RS1: variants seen among roughly 807,000 people sequenced by gnomAD.
RS1 encodes the protein retinoschisin.
RS1 carries 2 observed loss-of-function variants against 20.8 expected under a neutral mutation model. The ratio of observed to expected loss-of-function variants is 0.10; its 90% CI spans 0.04 to 0.30. The LOEUF (loss-of-function observed/expected upper bound fraction) is 0.30, where lower values mean the gene tolerates loss of function less well. Ranked by LOEUF, RS1 falls within the 10% of genes least tolerant of loss-of-function variation. The pLI is 1.00. For synonymous variants in RS1, 70 were observed against 75.8 expected, an observed-to-expected ratio of 0.92 and a Z score of 0.40; for missense variants, 151 against 189.8, an observed-to-expected ratio of 0.80 and a Z score of 1.20.
At position 18,646,084 on chromosome X, in the gene RS1, C is replaced by T. The variant is rs2147192703; in HGVS notation, c.326+1107G>A. The stretch of plus-strand genomic sequence containing the variant: ...ACGCTTCATGTTAAGGACGACAGAA[C>T]AACAAGGTAGAGTCTGGGCCCCGCA... On this transcript the variant is annotated intron_variant, in intron 4 of 5. Transcript: ENST00000379984. 8.3e-7 allele frequency: 1 copy of T among 1,211,778 alleles called. No homozygotes were observed. The highest frequency in any genetic ancestry group is 2.2e-5 in the Admixed American group (1 of 46,070).
At position 18,640,661 on chromosome X, in the gene RS1, C is replaced by T. The variant is rs946937888; in HGVS notation, c.*1343G>A. ...AATGTGTTGTCCAGCACTGTATTAG[C>T]GCGAGTCTAGTCACTTGCCTTGGCA... On this transcript the variant is annotated 3_prime_UTR_variant, in exon 6 of 6. Coordinates refer to ENST00000379984, the MANE Select transcript of RS1 (RefSeq NM_000330.4). 2 of 112,086 alleles carry T rather than the reference C, an allele frequency of 1.8e-5. No homozygotes were observed. Among genetic ancestry groups the T allele is most frequent in the Non-Finnish European group, 3.8e-5 (2 of 53,175 alleles). 9.2% of individuals were successfully genotyped at this position (112,086 alleles called of 1,213,427 possible).
intron 4 of RS1, among the ~76,000 whole-genome samples, chrX:18,646,874 A>C (rs988016737): frequency 4.5e-5 from 5 of 111,335 alleles, no homozygotes; most frequent in African/African-American, 1.6e-4. Flanking sequence ...CTCCCCCAGC[A>C]CTCATAAGTA....
chrX:18,653,518 G>A (rs772980434), intron 3 of RS1: 2 of 1,210,506 alleles, frequency 1.7e-6, no homozygotes, highest in Non-Finnish European at 2.2e-6. Context: ...GACATACCAT[G>A]AGAATGCGGC....
In RS1 at chrX:18,647,063, C is replaced by T. The variant is rs757310362; in HGVS notation, c.326+128G>A. Reference sequence around the variant, plus strand: ...TCCTGAGTAGCTGGGATTACAGGCACGTGCCACCACGCCAGTTAATTTTTT... The same window carrying T: ...TCCTGAGTAGCTGGGATTACAGGCATGTGCCACCACGCCAGTTAATTTTTT... On this transcript the variant is annotated intron_variant, in intron 4 of 5. Transcript: ENST00000379984. 9.5e-5 allele frequency: 70 copies of T among 739,006 alleles called. 1 individual carries two copies. The highest frequency in any genetic ancestry group is 8.4e-4 in the South Asian group (36 of 42,939). 60.9% of individuals were successfully genotyped at this position (739,006 alleles called of 1,213,427 possible). A position where few individuals can be genotyped will look rare whatever the true frequency, so the allele number is the denominator to read the frequency against.
In RS1 at chrX:18,647,215, G is replaced by A. The variant is rs2147193941; in HGVS notation, c.302C>T (p.Ala101Val). ...GWYSSWTANK[A>V]RLNSQGFGCA... is the part of the protein sequence containing the mutation. ...CCCAAAGCCTTGACTGTTGAGCCGGGCCTTGTTTGCAGTCCACGAAGAATA... is the reference window on the plus strand; with the variant it reads ...CCCAAAGCCTTGACTGTTGAGCCGGACCTTGTTTGCAGTCCACGAAGAATA... The change falls in exon 4 of 6, where the codon GCC (alanine) becomes GTC (valine). Residue 101 changes from alanine (A) to valine (V), a missense_variant. Physicochemically the swap from Ala to Val is moderately conservative, Grantham distance 64 (BLOSUM62 0). Coordinates refer to ENST00000379984, the MANE Select transcript of RS1 (RefSeq NM_000330.4). The A allele has an allele frequency of 8.3e-7, 1 of 1,211,022 alleles. No homozygotes were observed. The highest frequency in any genetic ancestry group is 1.1e-6 in the Non-Finnish European group (1 of 895,413).
Position 18,644,630 on chromosome X carries a change from C to T in RS1, c.327-5G>A, listed in dbSNP as rs773769605. On this transcript the variant is annotated splice_region_variant and splice_polypyrimidine_tract_variant and intron_variant, in intron 4 of 5. Transcript: ENST00000379984. ...AACTTGGAGAGCCAGGCACACCTGCCGAGAACATACCGAGTCACCGAGAGA... is the reference window on the plus strand; with the variant it reads ...AACTTGGAGAGCCAGGCACACCTGCTGAGAACATACCGAGTCACCGAGAGA... 8 of 1,207,001 alleles carry T rather than the reference C, an allele frequency of 6.6e-6. No homozygotes were observed. The highest frequency in any genetic ancestry group is 7.8e-6 in the Non-Finnish European group (7 of 893,342).
At chrX:18,643,893 TC>T (rs1927673090) in intron 5 of RS1, among the ~76,000 whole-genome samples, 1 of 111,237 alleles carries the variant, frequency 9.0e-6, no homozygotes, top group Non-Finnish European at 1.9e-5. Flanking sequence ...AAGACTTCTG[TC>T]TCAATCCACA....
chrX:18,645,808 T>C (rs1427902181), intron 4 of RS1, among the ~76,000 whole-genome samples: 1 of 110,971 alleles, frequency 9.0e-6, no homozygotes, highest in East Asian at 2.8e-4. Flanking sequence ...CATTTGGTAA[T>C]AGAACCCCTG....
chrX:18,644,792 G>A (rs1023296481), intron 4 of RS1, among the ~76,000 whole-genome samples, 167 bp from the exon 5 acceptor site: 4 of 112,272 alleles, frequency 3.6e-5, no homozygotes, highest in African/African-American at 6.5e-5. Flanking sequence ...GCCAGCTTCC[G>A]TTATACTTAA....
intron 3 of RS1, among the ~76,000 whole-genome samples, chrX:18,654,981 A>G (rs1194262495): frequency 9.0e-6 from 1 of 111,245 alleles, no homozygotes; most frequent in Non-Finnish European, 1.9e-5. Flanking sequence ...ATGAAGTGGC[A>G]CAATACCATC....
At chrX:18,642,481 T>C (rs1459806018) in intron 5 of RS1, among the ~76,000 whole-genome samples, 1 of 109,230 alleles carries the variant, frequency 9.2e-6, no homozygotes, top group Non-Finnish European at 1.9e-5. Context: ...AGTGCAGATG[T>C]GAACATTTCC....
At chrX:18,646,160 T>G in intron 4 of RS1, 1 of 1,199,736 alleles carries the variant, frequency 8.3e-7, no homozygotes, top group Non-Finnish European at 1.1e-6. Context: ...AACTTTTTTT[T>G]TTCCTTTCTG....
chrX:18,639,997 G>C lies in RS1; in HGVS notation c.*2007C>G, dbSNP rs1483059196. On this transcript the variant is annotated 3_prime_UTR_variant, in exon 6 of 6. Transcript: ENST00000379984. ...CGATTCGTGGTTGCAGAGGGCTTGG[G>C]GTGGCCGATGGGTTGGGGAGTGTTG... The C allele has an allele frequency of 8.9e-6, 1 of 111,770 alleles. No individual in the cohort carries two copies. Among genetic ancestry groups the C allele is most frequent in the African/African-American group, 3.3e-5 (1 of 30,685 alleles). The allele number at this position is 111,770 out of a possible 1,213,427, so 9.2% of individuals were successfully genotyped here.
At chrX:18,653,359 G>C (rs1928128398) in intron 3 of RS1, 1 of 1,181,219 alleles carries the variant, frequency 8.5e-7, no homozygotes, top group Non-Finnish European at 1.1e-6. Context: ...GGGGGCCCGG[G>C]CATTAGCCAG....
chrX:18,654,017 A>C (rs1423787081), intron 3 of RS1, among the ~76,000 whole-genome samples: 1 of 111,264 alleles, frequency 9.0e-6, no homozygotes, highest in East Asian at 2.8e-4. Flanking sequence ...AAAATAGTGG[A>C]GAGAGGAGAA....
intron 3 of RS1, among the ~76,000 whole-genome samples, chrX:18,654,150 T>TC (rs1491284299): frequency 1.3e-4 from 10 of 74,715 alleles, no homozygotes; most frequent in East Asian, 3.9e-4. Flanking sequence ...TCTCTCTCTC[T>TC]TTTTTTTTTT....
In RS1 at chrX:18,662,777, G is replaced by A. The variant is rs1207494278; in HGVS notation, c.53-5112C>T. Among the ~76,000 whole-genome samples, 30 of 109,299 alleles carry A rather than the reference G, an allele frequency of 2.7e-4. 1 individual carries two copies. Among genetic ancestry groups the A allele is most frequent in the African/African-American group, 1.3e-4 (4 of 30,041 alleles). The allele number at this position is 109,299 out of a possible 115,157, so 94.9% of individuals were successfully genotyped here. On this transcript the variant is annotated intron_variant, in intron 1 of 5. Coordinates refer to ENST00000379984, the MANE Select transcript of RS1 (RefSeq NM_000330.4). ...TAAGTAGCTGGGACTACAGGCGCCCGCCACCACACCCGGCTAATTTTTTGT... is the reference window on the plus strand; with the variant it reads ...TAAGTAGCTGGGACTACAGGCGCCCACCACCACACCCGGCTAATTTTTTGT...
chrX:18,658,780 TTCATCATCATCATCA>T (rs35009798), intron 1 of RS1, among the ~76,000 whole-genome samples: 5 of 103,819 alleles, frequency 4.8e-5, no homozygotes, highest in Non-Finnish European at 7.9e-5. Flanking sequence ...TTATTAAATC[TTCATCATCATCATCA>T]TCATCATCAT....
chrX:18,651,264 TGAGA>T lies in RS1; in HGVS notation c.185-3936_185-3933del, dbSNP rs1191836877. Among the ~76,000 whole-genome samples the T allele has an allele frequency of 8.9e-3, 613 of 68,983 alleles. 7 individuals carry two copies. The highest frequency in any genetic ancestry group is 0.035 in the African/African-American group (555 of 15,969). 59.9% of individuals were successfully genotyped at this position (68,983 alleles called of 115,157 possible). On this transcript the variant is annotated intron_variant, in intron 3 of 5. Transcript: ENST00000379984. ...GTGTGTGTGTGTGTGTGTGTGTGTG[TGAGA>T]GAGAGAGAGAGAGAGAGAGACAGAG...
Sources: allele counts gnomAD v4.1 joint callset (sites outside exome capture counted in the v4.1 genomes callset), GRCh38; gene constraint gnomAD v4.1.1; transcripts MANE v1.5; gene names NCBI Gene and HGNC (gene_info 2026-07-23, HGNC 2026-07-21).